CEP290: variants seen among roughly 807,000 people sequenced by gnomAD.
CEP290 encodes centrosomal protein of 290 kDa.
Under a neutral mutation model 344.9 loss-of-function variants are expected in CEP290, and 317 were observed. The ratio of observed to expected loss-of-function variants is 0.92; its 90% CI spans 0.84 to 1.01. The LOEUF (loss-of-function observed/expected upper bound fraction) is 1.01, where lower values mean the gene tolerates loss of function less well. Among genes scored for constraint, CEP290 ranks in the 50% least tolerant of loss-of-function variants. The pLI is 0.00. For synonymous variants in CEP290, 932 were observed against 895.8 expected (o/e 1.04, Z -0.72); for missense variants, 2,754 against 2,761.4 (o/e 1.00, Z 0.06).
At chr12:88,137,731 T>C (rs923873513) in intron 5 of CEP290, among the ~76,000 whole-genome samples, 1 of 152,216 alleles carries the variant, frequency 6.6e-6, no homozygotes, top group Non-Finnish European at 1.5e-5. Context: ...CCCTTGGAAC[T>C]CTTTCAATTG....
intron 11 of CEP290, among the ~76,000 whole-genome samples, chr12:88,126,661 T>A (rs905503852): frequency 1.3e-5 from 2 of 152,072 alleles, no homozygotes; most frequent in Non-Finnish European, 2.9e-5. Context: ...CGAATTTTCT[T>A]TTTTTATAAT....
chr12:88,113,547 CAATA>C (rs1469971059), intron 20 of CEP290, among the ~76,000 whole-genome samples: 1 of 151,462 alleles, frequency 6.6e-6, no homozygotes. Context: ...AAAAACAATT[CAATA>C]AATAATAAGA....
intron 25 of CEP290, chr12:88,103,849 A>G (rs2038078866): frequency 6.6e-6 from 1 of 152,076 alleles, no homozygotes; most frequent in Non-Finnish European, 1.5e-5. Context: ...ATCTAAGTTA[A>G]GTACACACTA....
chr12:88,129,265 G>A (rs890229294), intron 10 of CEP290, among the ~76,000 whole-genome samples: 1 of 151,698 alleles, frequency 6.6e-6, no homozygotes, highest in African/African-American at 2.4e-5. Context: ...TCTTATAATT[G>A]CATAATTATC....
Position 88,130,339 on chromosome 12 carries a change from C to T in CEP290, c.598G>A (p.Glu200Lys), listed in dbSNP as rs2138095831. Residue 200 changes from glutamate to lysine, a missense_variant, in exon 9 of 54, where the codon GAA becomes AAA. Transcript: ENST00000552810. ...QKETLLSRRG[E>K]DSDYRSQLSK... is the part of the protein sequence containing the mutation. ...AACTGTGATCGGTAGTCACTGTCTT[C>T]CCCTCTTCTTGATAAAAGTGTTTCT... The T allele has an allele frequency of 6.2e-7, 1 of 1,609,912 alleles. No homozygotes were observed. Among genetic ancestry groups the T allele is most frequent in the Non-Finnish European group, 8.5e-7 (1 of 1,178,310 alleles).
At position 88,071,392 on chromosome 12, in the gene CEP290, A is replaced by G; in HGVS notation, c.5913T>C (p.Val1971=). The part of the protein sequence containing the change: ...QRKLKTTGMT[V]DQVLGIRALE... ...AAGCTCGTATTCCCAAAACCTGATC[A>G]ACAGTCATGCCAGTTGTTTTTAGTT... is the stretch of plus-strand genomic sequence containing the variant. Residue 1971 remains valine, a synonymous_variant, in exon 43 of 54, where the codon GTT becomes GTC. Transcript: ENST00000552810. 3 of 1,612,356 alleles carry G rather than the reference A, an allele frequency of 1.9e-6. No homozygotes were observed. The highest frequency in any genetic ancestry group is 2.5e-6 in the Non-Finnish European group (3 of 1,179,064).
chr12:88,132,360 C>G (rs892833982), intron 6 of CEP290, among the ~76,000 whole-genome samples: 5 of 152,052 alleles, frequency 3.3e-5, no homozygotes, highest in African/African-American at 1.2e-4. Flanking sequence ...AGTATGTGAT[C>G]CTTGACAGAA....
In CEP290 at chr12:88,117,126, C is replaced by T; in HGVS notation, c.1731G>A (p.Leu577=). Residue 577 remains leucine, a synonymous_variant, in exon 18 of 54, where the codon CTG becomes CTA. Transcript: ENST00000552810. ...CTTGAGAAATGTTTTCAGTTAGGTT[C>T]AGGTCCTCAGTGGTTAATCCTATAT... is the stretch of plus-strand genomic sequence containing the variant. ...SATSGLTTED[L]NLTENISQGD... is the part of the protein sequence containing the mutation. 2 of 1,549,200 alleles carry T rather than the reference C, an allele frequency of 1.3e-6. No homozygotes were observed. The highest frequency in any genetic ancestry group is 1.8e-6 in the Non-Finnish European group (2 of 1,139,998).
chr12:88,122,434 GAAAT>G (rs1351937640), intron 13 of CEP290, among the ~76,000 whole-genome samples: 2 of 152,096 alleles, frequency 1.3e-5, no homozygotes, highest in Non-Finnish European at 2.9e-5. Context: ...ACATAGATGA[GAAAT>G]AAATGTCTAT....
chr12:88,127,041 T>G (rs1036210364), intron 11 of CEP290, among the ~76,000 whole-genome samples: 1 of 150,008 alleles, frequency 6.7e-6, no homozygotes, highest in South Asian at 2.1e-4. Context: ...TATTAAAACA[T>G]ACACAAATTA....
At chr12:88,058,263 G>A (rs1592733814) in intron 49 of CEP290, 1 of 152,532 alleles carries the variant, frequency 6.6e-6, no homozygotes, top group Non-Finnish European at 1.5e-5. Flanking sequence ...TCACAGGTTG[G>A]AATCCCATGT....
At chr12:88,053,915 T>C (rs1197144279) in intron 51 of CEP290, among the ~76,000 whole-genome samples, 169 bp from the exon 52 acceptor site, 1 of 152,142 alleles carries the variant, frequency 6.6e-6, no homozygotes, top group African/African-American at 2.4e-5. Context: ...ACAAAAAGCC[T>C]GGAATACAAA....
intron 44 of CEP290, among the ~76,000 whole-genome samples, chr12:88,067,263 G>A (rs988970109): frequency 3.3e-5 from 5 of 149,644 alleles, no homozygotes; most frequent in Non-Finnish European, 7.4e-5. Flanking sequence ...ACTAATTTTT[G>A]TAGGAACTAA....
intron 6 of CEP290, chr12:88,136,437 T>C (rs1047360087): frequency 1.9e-6 from 1 of 526,064 alleles, no homozygotes; most frequent in African/African-American, 1.9e-5. Context: ...ATATAAAGAA[T>C]TAATCTTCAA....
In CEP290 at chr12:88,129,311, T is replaced by C. The variant is rs12298094; in HGVS notation, c.853-276A>G. On this transcript the variant is annotated intron_variant, in intron 10 of 53. Coordinates refer to ENST00000552810, the MANE Select transcript of CEP290 (RefSeq NM_025114.4). ...AGAAAATTTTATTTTTAAACATTAT[T>C]CTACCTTTTAAACAAATTTAATCCA... Among the ~76,000 whole-genome samples, 751 of 152,064 alleles carry C rather than the reference T, an allele frequency of 4.9e-3. 10 individuals carry two copies. The highest frequency in any genetic ancestry group is 0.018 in the African/African-American group (730 of 41,554).
At chr12:88,114,243 C>T (rs2137776006) in intron 20 of CEP290, among the ~76,000 whole-genome samples, 177 bp downstream of exon 20, 1 of 152,068 alleles carries the variant, frequency 6.6e-6, no homozygotes, top group African/African-American at 2.4e-5. Context: ...TAACAATTAT[C>T]CAATTGGTAG....
intron 39 of CEP290, among the ~76,000 whole-genome samples, chr12:88,078,355 C>T (rs980246263): frequency 4.6e-5 from 7 of 152,034 alleles, no homozygotes; most frequent in African/African-American, 1.4e-4. Context: ...GGGTAACTTA[C>T]AATACTAGAC....
In CEP290 at chr12:88,096,945, T is replaced by C. The variant is rs1397893965; in HGVS notation, c.3046A>G (p.Ile1016Val). Residue 1016 changes from isoleucine (I) to valine (V), a missense_variant, in exon 27 of 54, where the codon ATT becomes GTT. Coordinates refer to ENST00000552810, the MANE Select transcript of CEP290 (RefSeq NM_025114.4). ...QVESINKELEITKEKLHTIEQ... is the reference protein window; with the variant it reads ...QVESINKELEVTKEKLHTIEQ... ...ATAGTGTGAAGTTTTTCCTTGGTAA[T>C]CTCCAGTTCTTTATTTATAGACTCC... 6 of 1,581,542 alleles carry C rather than the reference T, an allele frequency of 3.8e-6. No individual in the cohort carries two copies. The East Asian group carries it at 1.1e-4, about 30-fold the overall frequency.
chr12:88,086,598 G>A (rs1273419578), intron 32 of CEP290, 100 bp from the exon 33 acceptor site: 9 of 713,026 alleles, frequency 1.3e-5, no homozygotes, highest in East Asian at 3.0e-5. Flanking sequence ...ACAACACATT[G>A]AAGAAACTGT....
Sources: gnomAD v4.1 joint callset for allele counts (sites outside exome capture counted in the v4.1 genomes callset) on GRCh38, gnomAD v4.1.1 for gene constraint, MANE v1.5 for transcripts, NCBI Gene and HGNC (gene_info 2026-07-23, HGNC 2026-07-21) for gene names.